The following BST1 variants were observed in gnomAD, a reference collection of about 807,000 sequenced individuals.
BST1 encodes ADP-ribosyl cyclase/cyclic ADP-ribose hydrolase 2.
A neutral mutation model predicts 40.6 loss-of-function variants in BST1; 49 were observed. The ratio of observed to expected loss-of-function variants is 1.21; its 90% CI spans 0.96 to 1.53. The LOEUF (loss-of-function observed/expected upper bound fraction) is 1.53. BST1 is among the 40% of genes most tolerant of loss of function. The pLI, the probability that BST1 is intolerant of heterozygous loss-of-function variation, is 0.00. For missense variants in BST1, 423 were observed against 395.9 expected (o/e 1.07, Z -0.58); for synonymous variants, 157 against 159.3 (o/e 0.99, Z 0.11).
At chr4:15,731,114 C>A in intron 8 of BST1, 1 of 428,450 alleles carries the variant, frequency 2.3e-6, no homozygotes, top group East Asian at 5.6e-5. Context: ...GTCCTTTTCA[C>A]GTGGCCAACA....
the BST1 span, among the ~76,000 whole-genome samples, chr4:15,757,502 C>CA: frequency 1.3e-5 from 2 of 151,802 alleles, no homozygotes; most frequent in Non-Finnish European, 2.9e-5. Context: ...AGCACACCCC[C>CA]ACCCCGCCCC....
chr4:15,703,414 A>C (rs1577560635), intron 1 of BST1, 82 bp downstream of exon 1: 1 of 1,447,634 alleles, frequency 6.9e-7, no homozygotes, highest in Admixed American at 2.9e-5. Flanking sequence ...CTGGCGCTAA[A>C]GTTCGGGGTG....
At chr4:15,760,529 T>C in the BST1 span, among the ~76,000 whole-genome samples, 3 of 151,820 alleles carry the variant, frequency 2.0e-5, no homozygotes, top group South Asian at 4.1e-4. Flanking sequence ...GGGCAGGGAT[T>C]TTTGTCTGGT....
intron 8 of BST1, among the ~76,000 whole-genome samples, chr4:15,725,591 G>C (rs1479600835): frequency 6.6e-6 from 1 of 152,004 alleles, no homozygotes; most frequent in Non-Finnish European, 1.5e-5. Flanking sequence ...CATCTTCCAG[G>C]TTCATCATAC....
At position 15,704,858 on chromosome 4, in the gene BST1, C is replaced by T. The variant is rs921188914; in HGVS notation, c.189-657C>T. The T allele has an allele frequency of 1.1e-4, 75 of 712,520 alleles. No homozygotes were observed. The Admixed American group carries it at 1.5e-3, about 14-fold the overall frequency. 44.1% of individuals were successfully genotyped at this position (712,520 alleles called of 1,614,324 possible). A position where few individuals can be genotyped will look rare whatever the true frequency, so the allele number is the denominator to read the frequency against. On this transcript the variant is annotated intron_variant, in intron 1 of 8. Coordinates refer to ENST00000265016, the MANE Select transcript of BST1 (RefSeq NM_004334.3). Reference sequence around the variant, plus strand: ...CTGATTTTTGTTCCTTCTGTGGCCCCCCTTTTCTTATGTTTGTGATGTCTT... The same window carrying T: ...CTGATTTTTGTTCCTTCTGTGGCCCTCCTTTTCTTATGTTTGTGATGTCTT...
chr4:15,713,878 A>T (rs1720361104), intron 4 of BST1, among the ~76,000 whole-genome samples: 1 of 151,752 alleles, frequency 6.6e-6, no homozygotes, highest in Admixed American at 6.6e-5. Context: ...TAATTTTTGC[A>T]TTTTTAGTTG....
downstream of BST1, among the ~76,000 whole-genome samples, chr4:15,740,657 G>A (rs534933356): frequency 6.8e-4 from 103 of 152,040 alleles, no homozygotes; most frequent in Admixed American, 2.0e-3. Context: ...TTATTAATTT[G>A]TTAAATTATA....
chr4:15,740,277 C>T (rs1187065338), downstream of BST1, among the ~76,000 whole-genome samples: 3 of 152,176 alleles, frequency 2.0e-5, no homozygotes, highest in Admixed American at 1.3e-4. Flanking sequence ...AGGCTGGTCT[C>T]AAACTTCTAA....
intron 4 of BST1, 40 bp from the exon 5 acceptor site, chr4:15,715,245 C>T (rs1720439818): frequency 6.4e-7 from 1 of 1,571,554 alleles, no homozygotes; most frequent in African/African-American, 1.4e-5. Flanking sequence ...AGAAAAATGT[C>T]ACGTCTTTAT....
At chr4:15,769,627 C>T in the BST1 span, among the ~76,000 whole-genome samples, 4 of 151,970 alleles carry the variant, frequency 2.6e-5, no homozygotes, top group African/African-American at 4.8e-5. Flanking sequence ...GAAGGAGCCA[C>T]GTATACACAG....
chr4:15,724,169 C>T (rs911320706), intron 8 of BST1, among the ~76,000 whole-genome samples: 14 of 152,194 alleles, frequency 9.2e-5, no homozygotes, highest in Admixed American at 7.2e-4. Context: ...GCCCTGCTAT[C>T]GTTCATTCTG....
the BST1 span, among the ~76,000 whole-genome samples, chr4:15,748,181 G>A: frequency 4.6e-5 from 7 of 152,162 alleles, no homozygotes; most frequent in African/African-American, 1.7e-4. Context: ...TCTCATGCGT[G>A]CTTTCCCAAT....
Position 15,732,416 on chromosome 4 carries a change from C to G in BST1, c.*571C>G, listed in dbSNP as rs922542584. ...CACTGCAACCTCTGCTTCCAGGATTCAAGCGATTCTCCTGCCTCAGCCTCC... is the reference window on the plus strand; with the variant it reads ...CACTGCAACCTCTGCTTCCAGGATTGAAGCGATTCTCCTGCCTCAGCCTCC... On this transcript the variant is annotated 3_prime_UTR_variant, in exon 9 of 9. Transcript: ENST00000265016. 6.6e-6 allele frequency: 1 copy of G among 152,428 alleles called. No individual in the cohort carries two copies. The highest frequency in any genetic ancestry group is 6.5e-5 in the Admixed American group (1 of 15,276). The allele number at this position is 152,428 out of a possible 1,614,324, so 9.4% of individuals were successfully genotyped here. A position where few individuals can be genotyped will look rare whatever the true frequency, so the allele number is the denominator to read the frequency against.
chr4:15,758,437 G>A, the BST1 span, among the ~76,000 whole-genome samples: 1 of 152,118 alleles, frequency 6.6e-6, no homozygotes, highest in African/African-American at 2.4e-5. Flanking sequence ...TAGGACAATG[G>A]CCTCCATTAT....
At chr4:15,703,858 G>C (rs1362784175) in intron 1 of BST1, among the ~76,000 whole-genome samples, 1 of 146,970 alleles carries the variant, frequency 6.8e-6, no homozygotes, top group Non-Finnish European at 1.5e-5. Flanking sequence ...GAGGTGAGGG[G>C]TGTGTGCATG....
At chr4:15,745,888 T>C in the BST1 span, among the ~76,000 whole-genome samples, 1 of 152,172 alleles carries the variant, frequency 6.6e-6, no homozygotes, top group African/African-American at 2.4e-5. Context: ...TGATTACTAA[T>C]TTTAGTTAAC....
downstream of BST1, among the ~76,000 whole-genome samples, chr4:15,738,564 G>C (rs1040501410): frequency 6.6e-6 from 1 of 152,142 alleles, no homozygotes; most frequent in South Asian, 2.1e-4. Flanking sequence ...TGGAAGGCAA[G>C]AGAGTTTGAT....
At chr4:15,757,469 C>A in the BST1 span, among the ~76,000 whole-genome samples, 1 of 152,004 alleles carries the variant, frequency 6.6e-6, no homozygotes, top group Non-Finnish European at 1.5e-5. Flanking sequence ...AATAATGATC[C>A]TCCTGTCTAT....
At chr4:15,715,654 C>A in intron 5 of BST1, 53 bp from the exon 6 acceptor site, 1 of 1,266,942 alleles carries the variant, frequency 7.9e-7, no homozygotes, top group East Asian at 2.4e-5. Flanking sequence ...AAATTAACAA[C>A]TGAAATGGAA....
Sources: gnomAD v4.1 joint callset for allele counts (sites outside exome capture counted in the v4.1 genomes callset) on GRCh38, gnomAD v4.1.1 for gene constraint, MANE v1.5 for transcripts, NCBI Gene and HGNC (gene_info 2026-07-23, HGNC 2026-07-21) for gene names.